Variants in MTUS2 observed in about 807,000 individuals in gnomAD.
MTUS2 encodes microtubule-associated tumor suppressor candidate 2.
A neutral mutation model predicts 114.1 loss-of-function variants in MTUS2; 40 were observed. That is an observed-to-expected ratio of 0.35 (90% confidence interval 0.27 to 0.46). MTUS2 has a LOEUF of 0.46. MTUS2 is among the 20% of genes least tolerant of loss of function. MTUS2 has a pLI of 1.00. For synonymous variants in MTUS2, 688 were observed against 672.0 expected (o/e 1.02, Z -0.37); for missense variants, 1,679 against 1,705.4 (o/e 0.98, Z 0.27).
chr13:29,165,592 A>G (rs1013751466), intron 5 of MTUS2, among the ~76,000 whole-genome samples: 1 of 152,218 alleles, frequency 6.6e-6, no homozygotes, highest in African/African-American at 2.4e-5. Context: ...TAATTTAAAT[A>G]TAAGGTAAGT....
intron 2 of MTUS2, among the ~76,000 whole-genome samples, chr13:28,873,106 G>A (rs1877719925): frequency 6.6e-6 from 1 of 152,158 alleles, no homozygotes; most frequent in South Asian, 2.1e-4. Context: ...CAAGGATAGA[G>A]GCAAAATAAA....
intron 5 of MTUS2, among the ~76,000 whole-genome samples, chr13:29,149,309 C>T (rs1000937107): frequency 6.6e-5 from 10 of 152,092 alleles, no homozygotes; most frequent in African/African-American, 1.2e-4. Flanking sequence ...GTTTGTTGGC[C>T]GCATGTATGT....
intron 2 of MTUS2, among the ~76,000 whole-genome samples, chr13:28,954,958 G>A (rs926720292): frequency 6.6e-6 from 1 of 152,144 alleles, no homozygotes; most frequent in Non-Finnish European, 1.5e-5. Context: ...CATTTACTGA[G>A]CAATTCCAGA....
chr13:28,896,179 G>T (rs920185019), intron 2 of MTUS2, among the ~76,000 whole-genome samples: 1 of 152,168 alleles, frequency 6.6e-6, no homozygotes, highest in South Asian at 2.1e-4. Context: ...TAACCAGTGG[G>T]ATTCCAACAG....
At chr13:29,260,305 T>C (rs1267526288) in intron 5 of MTUS2, among the ~76,000 whole-genome samples, 5 of 152,220 alleles carry the variant, frequency 3.3e-5, no homozygotes, top group Non-Finnish European at 7.3e-5. Context: ...CTCCTGAAGA[T>C]TAAGGTTTTG....
intron 5 of MTUS2, among the ~76,000 whole-genome samples, chr13:29,206,769 A>G (rs934419230): frequency 3.9e-5 from 6 of 151,998 alleles, no homozygotes; most frequent in Non-Finnish European, 8.8e-5. Context: ...TGGTCTGTGA[A>G]CCTATTTTCA....
intron 5 of MTUS2, among the ~76,000 whole-genome samples, chr13:29,156,840 C>CA (rs1892882003): frequency 6.6e-6 from 1 of 152,178 alleles, no homozygotes; most frequent in Non-Finnish European, 1.5e-5. Context: ...GTTACCCTCC[C>CA]AGTCCACTCC....
chr13:29,389,377 A>G (rs56060897), intron 8 of MTUS2, among the ~76,000 whole-genome samples: 25,271 of 56,396 alleles, frequency 0.45, 9,419 homozygotes, highest in Admixed American at 0.58. Context: ...GTGTGTGTAT[A>G]TATGTATACA....
At chr13:29,431,870 G>A (rs567906637) in intron 8 of MTUS2, among the ~76,000 whole-genome samples, 64 of 151,926 alleles carry the variant, frequency 4.2e-4, no homozygotes, top group African/African-American at 1.5e-3. Context: ...TTTGAGATAG[G>A]GTCTCCCTCT....
intron 2 of MTUS2, among the ~76,000 whole-genome samples, chr13:29,006,824 C>T (rs1440211100): frequency 6.6e-6 from 1 of 152,186 alleles, no homozygotes; most frequent in East Asian, 1.9e-4. Flanking sequence ...AAATCTGTGA[C>T]TCTCTTCTGA....
intron 2 of MTUS2, among the ~76,000 whole-genome samples, chr13:28,972,386 T>C (rs1883897856): frequency 2.0e-5 from 3 of 152,352 alleles, no homozygotes; most frequent in African/African-American, 7.2e-5. Context: ...CCTTCTGCAC[T>C]GTGTTCGCAG....
chr13:29,145,338 G>A lies in MTUS2; in HGVS notation c.2644+44368G>A, dbSNP rs1180666876. On this transcript the variant is annotated intron_variant, in intron 5 of 15. Transcript: ENST00000612955. ...AGTTCAAGACCAGCCTGGCCGGGAT[G>A]GTGAAACCCCATCTCTACTAAAAAT... Among the ~76,000 whole-genome samples the A allele has an allele frequency of 2.0e-5, 3 of 152,052 alleles. No individual in the cohort carries two copies. In the East Asian group the frequency reaches 5.8e-4, roughly 29 times the overall value.
chr13:28,940,506 T>C (rs569867754), intron 2 of MTUS2, among the ~76,000 whole-genome samples: 3 of 152,282 alleles, frequency 2.0e-5, no homozygotes, highest in Admixed American at 2.0e-4. Context: ...GGTTACCCTG[T>C]TACTGGAGTT....
chr13:28,988,002 A>G (rs1462657675), intron 2 of MTUS2, among the ~76,000 whole-genome samples: 3 of 152,242 alleles, frequency 2.0e-5, no homozygotes, highest in African/African-American at 7.2e-5. Flanking sequence ...ACCCCAGGCC[A>G]TACCTTGGAA....
chr13:29,451,566 G>C (rs1156984800), intron 9 of MTUS2, among the ~76,000 whole-genome samples: 1 of 151,858 alleles, frequency 6.6e-6, no homozygotes, highest in Non-Finnish European at 1.5e-5. Context: ...TTTAGATTTA[G>C]TAGGTTTCGT....
chr13:29,391,718 AAACAT>A (rs1307165200), intron 8 of MTUS2, among the ~76,000 whole-genome samples: 4 of 152,118 alleles, frequency 2.6e-5, no homozygotes, highest in African/African-American at 9.7e-5. Flanking sequence ...AATAAAAACT[AAACAT>A]AAATACACAA....
chr13:29,207,360 C>T (rs1895233665), intron 5 of MTUS2, among the ~76,000 whole-genome samples: 1 of 152,130 alleles, frequency 6.6e-6, no homozygotes, highest in African/African-American at 2.4e-5. Flanking sequence ...ACCATTATAT[C>T]ATTGGTGAAC....
intron 10 of MTUS2, among the ~76,000 whole-genome samples, chr13:29,482,532 C>T (rs965228205): frequency 1.3e-5 from 2 of 152,230 alleles, no homozygotes; most frequent in African/African-American, 4.8e-5. Flanking sequence ...TTTATTTACT[C>T]ATTCACCTGT....
chr13:29,496,748 T>C lies in MTUS2; in HGVS notation c.3580-490T>C, dbSNP rs570502635. On this transcript the variant is annotated intron_variant, in intron 12 of 15. Coordinates refer to ENST00000612955, the MANE Select transcript of MTUS2 (RefSeq NM_001033602.4). This position sits in a 1 kb window ranked among gnomAD's most constrained non-coding sequence, Gnocchi z 4.3. ...GAGGCAGGATGGCAGGAGTTGATTA[T>C]GGACTTGGTGATTAGAAGGTTTGTT... is the stretch of plus-strand genomic sequence containing the variant. 2.6e-5 allele frequency among the ~76,000 whole-genome samples: 4 copies of C among 152,110 alleles called. No individual in the cohort carries two copies. The highest frequency in any genetic ancestry group is 5.9e-5 in the Non-Finnish European group (4 of 67,996).
Sources: gnomAD v4.1 joint callset for allele counts (sites outside exome capture counted in the v4.1 genomes callset) on GRCh38, gnomAD v4.1.1 for gene constraint, Gnocchi (gnomAD v3.1) non-coding constraint, MANE v1.5 for transcripts, NCBI Gene and HGNC (gene_info 2026-07-23, HGNC 2026-07-21) for gene names.